Variants in ADAMTS20 observed in about 807,000 individuals in gnomAD.
ADAMTS20 encodes the protein A disintegrin and metalloproteinase with thrombospondin motifs 20.
Under a neutral mutation model 260.1 loss-of-function variants are expected in ADAMTS20, and 225 were observed. The ratio of observed to expected loss-of-function variants is 0.87; its 90% CI spans 0.78 to 0.97. ADAMTS20 has a LOEUF of 0.97. Among genes scored for constraint, ADAMTS20 ranks in the 50% least tolerant of loss-of-function variants. The pLI is 0.00. For missense variants in ADAMTS20, 2,400 were observed against 2,337.7 expected (o/e 1.03, Z -0.55); for synonymous variants, 802 against 769.5 (o/e 1.04, Z -0.70).
At chr12:43,481,544 C>A (rs1942442163) in intron 7 of ADAMTS20, among the ~76,000 whole-genome samples, 1 of 151,988 alleles carries the variant, frequency 6.6e-6, no homozygotes, top group Admixed American at 6.6e-5. Context: ...TGCCATAATT[C>A]ACAAATATAA....
intron 37 of ADAMTS20, among the ~76,000 whole-genome samples, chr12:43,366,735 G>GA (rs1385752986): frequency 2.6e-5 from 4 of 151,560 alleles, no homozygotes; most frequent in African/African-American, 9.7e-5. Flanking sequence ...ATAGATAATA[G>GA]AAAATAAAAT....
intron 2 of ADAMTS20, among the ~76,000 whole-genome samples, chr12:43,544,796 A>T (rs1943421304): frequency 6.6e-6 from 1 of 152,192 alleles, no homozygotes; most frequent in Non-Finnish European, 1.5e-5. Flanking sequence ...AAGATCATTC[A>T]GTCATTTAAA....
At chr12:43,456,732 T>G (rs1941970865) in intron 11 of ADAMTS20, among the ~76,000 whole-genome samples, 1 of 152,156 alleles carries the variant, frequency 6.6e-6, no homozygotes, top group African/African-American at 2.4e-5. Context: ...CATTCCCTAC[T>G]GGCTAGGGTT....
At chr12:43,514,560 C>CAAAAAAAA (rs58435633) in intron 3 of ADAMTS20, among the ~76,000 whole-genome samples, 3 of 63,654 alleles carry the variant, frequency 4.7e-5, no homozygotes, top group African/African-American at 1.0e-4. Flanking sequence ...GACTCTATCT[C>CAAAAAAAA]AAAAAAAAAA....
At position 43,383,567 on chromosome 12, in the gene ADAMTS20, G is replaced by A. The variant is rs780348297; in HGVS notation, c.4788C>T (p.Asp1596=). 1 of 1,611,396 alleles carries A rather than the reference G, an allele frequency of 6.2e-7. No homozygotes were observed. The highest frequency in any genetic ancestry group is 1.3e-5 in the African/African-American group (1 of 74,990). ...PPCNYIVVTA[D]SSQCANNCGF... ...CCTTTCTTTACCTTACCTGTGATGA[G>A]TCTGCTGTTACCACAATGTAATTGC... The change falls in exon 31 of 39, where the codon GAC becomes GAT. Residue 1596 remains aspartate, a synonymous_variant. Coordinates refer to ENST00000389420, the MANE Select transcript of ADAMTS20 (RefSeq NM_025003.5).
At chr12:43,501,468 C>CGT (rs779756959) in intron 4 of ADAMTS20, among the ~76,000 whole-genome samples, 3 of 87,422 alleles carry the variant, frequency 3.4e-5, no homozygotes, top group African/African-American at 2.3e-4. Context: ...GATACGCGCG[C>CGT]GCGCGCGCGC....
intron 28 of ADAMTS20, among the ~76,000 whole-genome samples, chr12:43,406,417 T>C (rs749288698): frequency 9.2e-5 from 14 of 152,060 alleles, no homozygotes; most frequent in Non-Finnish European, 2.1e-4. Flanking sequence ...ATTCTTTAAA[T>C]GATGTTTGAG....
chr12:43,472,812 G>A (rs1942287816), intron 7 of ADAMTS20, among the ~76,000 whole-genome samples: 1 of 151,300 alleles, frequency 6.6e-6, no homozygotes, highest in Non-Finnish European at 1.5e-5. Flanking sequence ...CACCAAGCCT[G>A]CCCTAAAAGA....
intron 29 of ADAMTS20, among the ~76,000 whole-genome samples, chr12:43,397,938 A>G (rs935012982): frequency 1.6e-4 from 24 of 152,140 alleles, no homozygotes; most frequent in African/African-American, 5.3e-4. Flanking sequence ...TCCACTCCAA[A>G]GCTGTGTGCC....
chr12:43,452,226 T>G (rs1405946363), intron 14 of ADAMTS20, 48 bp downstream of exon 14: 1 of 1,532,392 alleles, frequency 6.5e-7, no homozygotes, highest in Non-Finnish European at 8.8e-7. Flanking sequence ...AAAAAAACAT[T>G]ATTCTTAAAG....
intron 28 of ADAMTS20, among the ~76,000 whole-genome samples, chr12:43,406,290 T>C (rs1189489623): frequency 6.6e-6 from 1 of 152,142 alleles, no homozygotes; most frequent in Non-Finnish European, 1.5e-5. Context: ...AACATTAGAG[T>C]ATGTATTATT....
At chr12:43,433,713 C>CACGCACACACAA in intron 19 of ADAMTS20, 1 of 149,344 alleles carries the variant, frequency 6.7e-6, no homozygotes, top group Non-Finnish European at 1.3e-5. Context: ...AACACACACA[C>CACGCACACACAA]ACACACACAC....
intron 2 of ADAMTS20, among the ~76,000 whole-genome samples, chr12:43,541,068 A>T (rs1219890457): frequency 6.6e-6 from 1 of 152,206 alleles, no homozygotes; most frequent in Non-Finnish European, 1.5e-5. Flanking sequence ...TTAAAGGGTG[A>T]TAACAAGTAC....
rs1943525650 is a variant in ADAMTS20, at chr12:43,552,002, C to G, written c.-81G>C. The stretch of plus-strand genomic sequence containing the variant: ...GCCGGCTTCCCTCGCGCTCCGATCC[C>G]TCTCCTCCCTCTCGCCCGCCGCTCT... On this transcript the variant is annotated 5_prime_UTR_variant, in exon 1 of 39. Transcript: ENST00000389420. 1 of 1,135,488 alleles carries G rather than the reference C, an allele frequency of 8.8e-7. No homozygotes were observed. The highest frequency in any genetic ancestry group is 1.5e-5 in the African/African-American group (1 of 65,386). 70.3% of individuals were successfully genotyped at this position (1,135,488 alleles called of 1,614,324 possible).
chr12:43,488,743 G>A (rs1465960997), intron 7 of ADAMTS20, among the ~76,000 whole-genome samples: 1 of 152,062 alleles, frequency 6.6e-6, no homozygotes, highest in Non-Finnish European at 1.5e-5. Context: ...GCCTACTCTT[G>A]CAAATTTACA....
intron 4 of ADAMTS20, among the ~76,000 whole-genome samples, chr12:43,501,152 G>A (rs949060131): frequency 3.5e-5 from 5 of 143,116 alleles, no homozygotes; most frequent in African/African-American, 7.8e-5. Flanking sequence ...TCTGCCTCCC[G>A]GGTTCAAGCG....
intron 28 of ADAMTS20, among the ~76,000 whole-genome samples, chr12:43,403,474 GAATT>G (rs1304440666): frequency 2.0e-5 from 3 of 152,004 alleles, no homozygotes; most frequent in Admixed American, 2.0e-4. Context: ...GTACTGGTTA[GAATT>G]AATATGTACC....
chr12:43,538,551 G>A (rs908525020), intron 2 of ADAMTS20, among the ~76,000 whole-genome samples: 1 of 152,068 alleles, frequency 6.6e-6, no homozygotes, highest in African/African-American at 2.4e-5. Context: ...TTTTGCTTTG[G>A]TTGCCTGTGC....
At chr12:43,448,879 C>CA (rs1214239270) in intron 14 of ADAMTS20, among the ~76,000 whole-genome samples, 4 of 151,690 alleles carry the variant, frequency 2.6e-5, no homozygotes, top group Non-Finnish European at 5.9e-5. Flanking sequence ...AACAAGCCTA[C>CA]AAAAAAAGCG....
Sources: gnomAD v4.1 joint callset for allele counts (sites outside exome capture counted in the v4.1 genomes callset) on GRCh38, gnomAD v4.1.1 for gene constraint, MANE v1.5 for transcripts, NCBI Gene and HGNC (gene_info 2026-07-23, HGNC 2026-07-21) for gene names.